KCNJ3: variants seen among roughly 807,000 people sequenced by gnomAD.
KCNJ3 encodes the protein potassium inwardly rectifying channel subfamily J member 3, also known as G protein-activated inward rectifier potassium channel 1.
Under a neutral mutation model 39.2 loss-of-function variants are expected in KCNJ3, and 4 were observed. The observed-to-expected ratio is 0.10, with a 90% CI of 0.05 to 0.23. The LOEUF is 0.23. KCNJ3 is among the 10% of genes least tolerant of loss of function. The pLI is 1.00. For missense variants in KCNJ3, 276 were observed against 634.9 expected, an observed-to-expected ratio of 0.43 and a Z score of 6.08; for synonymous variants, 230 against 237.4, an observed-to-expected ratio of 0.97 and a Z score of 0.29.
intron 2 of KCNJ3, among the ~76,000 whole-genome samples, chr2:154,851,179 C>T (rs1445068514): frequency 1.3e-5 from 2 of 151,848 alleles, no homozygotes; most frequent in Non-Finnish European, 2.9e-5. Context: ...GGGTTTGAGG[C>T]TGCAGTGAGC....
At chr2:154,705,001 CA>C (rs1330790634) in intron 1 of KCNJ3, among the ~76,000 whole-genome samples, 1 of 152,110 alleles carries the variant, frequency 6.6e-6, no homozygotes, top group African/African-American at 2.4e-5. Context: ...CTTCCCAGAC[CA>C]CTGGCCCTGT....
chr2:154,830,547 A>C (rs2105118840), intron 2 of KCNJ3, among the ~76,000 whole-genome samples: 1 of 152,322 alleles, frequency 6.6e-6, no homozygotes, highest in South Asian at 2.1e-4. Flanking sequence ...AATCTTGATT[A>C]GTTGGCTGAG....
chr2:154,717,355 A>C (rs1468098739), intron 2 of KCNJ3, among the ~76,000 whole-genome samples: 1 of 152,196 alleles, frequency 6.6e-6, no homozygotes, highest in Non-Finnish European at 1.5e-5. Context: ...GTAAGAGAAC[A>C]CCATGATCAT....
Position 154,746,650 on chromosome 2 carries a change from ATG to A in KCNJ3, c.919+36853_919+36854del, listed in dbSNP as rs57739687. On this transcript the variant is annotated intron_variant, in intron 2 of 2. Coordinates refer to ENST00000295101, the MANE Select transcript of KCNJ3 (RefSeq NM_002239.4). ...TATATATGTATATATGTGTATATATATGTGTGTGTGTGTGTGTGTGTGTTTTC... is the reference window on the plus strand; with the variant it reads ...TATATATGTATATATGTGTATATATATGTGTGTGTGTGTGTGTGTGTTTTC... 2.7e-3 allele frequency among the ~76,000 whole-genome samples: 397 copies of A among 147,320 alleles called. 1 individual carries two copies. The highest frequency in any genetic ancestry group is 5.9e-3 in the African/African-American group (240 of 40,438).
intron 2 of KCNJ3, among the ~76,000 whole-genome samples, chr2:154,768,430 T>A (rs1383967543): frequency 6.6e-6 from 1 of 152,200 alleles, no homozygotes; most frequent in Non-Finnish European, 1.5e-5. Flanking sequence ...CCAGCACCAT[T>A]TATTAAATAG....
rs780435806 is a variant in KCNJ3, at chr2:154,856,853, C to G, written c.*1540C>G. 2.0e-5 allele frequency: 3 copies of G among 152,140 alleles called. No homozygotes were observed. Among genetic ancestry groups the G allele is most frequent in the Non-Finnish European group, 4.4e-5 (3 of 68,020 alleles). The allele number at this position is 152,140 out of a possible 1,614,324, so 9.4% of individuals were successfully genotyped here. A position where few individuals can be genotyped will look rare whatever the true frequency, so the allele number is the denominator to read the frequency against. On this transcript the variant is annotated 3_prime_UTR_variant, in exon 3 of 3. Transcript: ENST00000295101. ...TTAAAAGTGCTCCTTAACAGAATAT[C>G]ATGGGTTTTCCTATAAAACTTCTTT...
intron 2 of KCNJ3, among the ~76,000 whole-genome samples, chr2:154,827,584 AAC>A (rs1317813810): frequency 1.3e-5 from 2 of 152,076 alleles, no homozygotes; most frequent in Admixed American, 1.3e-4. Flanking sequence ...CACAATTTAC[AAC>A]AGACTCTAAA....
intron 2 of KCNJ3, among the ~76,000 whole-genome samples, chr2:154,830,606 T>C (rs1355786983): frequency 6.6e-6 from 1 of 152,204 alleles, no homozygotes; most frequent in Non-Finnish European, 1.5e-5. Context: ...AAAGAGGCTA[T>C]AATTAATGAA....
intron 2 of KCNJ3, among the ~76,000 whole-genome samples, chr2:154,839,792 T>A (rs1170466678): frequency 6.6e-6 from 1 of 152,232 alleles, no homozygotes; most frequent in Non-Finnish European, 1.5e-5. Flanking sequence ...TTTGTTTTTT[T>A]TCTTGTAAAT....
At chr2:154,711,201 C>G (rs1685097234) in intron 2 of KCNJ3, among the ~76,000 whole-genome samples, 1 of 151,608 alleles carries the variant, frequency 6.6e-6, no homozygotes, top group South Asian at 2.1e-4. Flanking sequence ...TTTAAAATAC[C>G]ATATATTGAT....
chr2:154,730,039 T>C lies in KCNJ3; in HGVS notation c.919+20220T>C, dbSNP rs572316585. On this transcript the variant is annotated intron_variant, in intron 2 of 2. Coordinates refer to ENST00000295101, the MANE Select transcript of KCNJ3 (RefSeq NM_002239.4). ...CTTTTCCTAGTTGGGTTCATTGAGA[T>C]GGCTGCTGCACATTTAGGAATCATT... Among the ~76,000 whole-genome samples the C allele has an allele frequency of 7.2e-5, 11 of 152,102 alleles. No homozygotes were observed. The South Asian group carries it at 1.9e-3, about 26-fold the overall frequency.
chr2:154,782,551 C>A (rs1293083840), intron 2 of KCNJ3, among the ~76,000 whole-genome samples: 1 of 152,052 alleles, frequency 6.6e-6, no homozygotes, highest in African/African-American at 2.4e-5. Context: ...TACACGCAGG[C>A]TTTCACATCC....
intron 2 of KCNJ3, among the ~76,000 whole-genome samples, chr2:154,718,043 C>T (rs192243961): frequency 3.3e-5 from 5 of 152,200 alleles, no homozygotes; most frequent in African/African-American, 7.2e-5. Flanking sequence ...TCCTTGTTTC[C>T]GCCCAGATTG....
chr2:154,749,969 T>G (rs1486831001), intron 2 of KCNJ3, among the ~76,000 whole-genome samples: 1 of 152,036 alleles, frequency 6.6e-6, no homozygotes, highest in Non-Finnish European at 1.5e-5. Context: ...AATAAATGCT[T>G]ATTAATTTAC....
At chr2:154,836,719 G>T in intron 2 of KCNJ3, among the ~76,000 whole-genome samples, 1 of 151,886 alleles carries the variant, frequency 6.6e-6, no homozygotes, top group East Asian at 1.9e-4. Context: ...TTTTCACTTA[G>T]GTTCTATAAA....
At chr2:154,732,619 A>C (rs1685465931) in intron 2 of KCNJ3, among the ~76,000 whole-genome samples, 1 of 152,134 alleles carries the variant, frequency 6.6e-6, no homozygotes, top group Non-Finnish European at 1.5e-5. Flanking sequence ...TGTATTCATT[A>C]CAATGTGCCA....
intron 2 of KCNJ3, among the ~76,000 whole-genome samples, chr2:154,793,345 A>G (rs1686669871): frequency 6.6e-6 from 1 of 152,050 alleles, no homozygotes; most frequent in African/African-American, 2.4e-5. Context: ...AGGTTACTGC[A>G]TAAACCCTAT....
Position 154,858,318 on chromosome 2 carries a change from T to C in KCNJ3, c.*3005T>C, listed in dbSNP as rs186821221. Reference sequence around the variant, plus strand: ...GTTGAAACTAAATTATGAAGTCTGATATATTTGGATAAAAATAAAGAATTG... The same window carrying C: ...GTTGAAACTAAATTATGAAGTCTGACATATTTGGATAAAAATAAAGAATTG... On this transcript the variant is annotated 3_prime_UTR_variant, in exon 3 of 3. Coordinates refer to ENST00000295101, the MANE Select transcript of KCNJ3 (RefSeq NM_002239.4). The C allele has an allele frequency of 6.6e-6, 1 of 152,322 alleles. No individual in the cohort carries two copies. The allele number at this position is 152,322 out of a possible 1,614,324, so 9.4% of individuals were successfully genotyped here.
chr2:154,706,387 G>A (rs1000971894), intron 1 of KCNJ3, among the ~76,000 whole-genome samples: 1 of 151,930 alleles, frequency 6.6e-6, no homozygotes, highest in Non-Finnish European at 1.5e-5. Flanking sequence ...AAAATATTCT[G>A]CTTATTATCA....
Sources: allele counts gnomAD v4.1 joint callset (sites outside exome capture counted in the v4.1 genomes callset), GRCh38; gene constraint gnomAD v4.1.1; transcripts MANE v1.5; gene names NCBI Gene and HGNC (gene_info 2026-07-23, HGNC 2026-07-21).